The following LTO1 variants were observed in gnomAD, a reference collection of about 807,000 sequenced individuals.
LTO1 encodes LTO1 maturation factor of ABCE1, also known as protein LTO1 homolog.
Under a neutral mutation model 19.8 loss-of-function variants are expected in LTO1, and 18 were observed. The observed-to-expected ratio is 0.91, with a 90% CI of 0.63 to 1.35. The LOEUF (loss-of-function observed/expected upper bound fraction) is 1.35, where lower values mean the gene tolerates loss of function less well. Ranked by LOEUF, LTO1 falls within the 40% of genes most tolerant of loss-of-function variation. The pLI, the probability that LTO1 is intolerant of heterozygous loss-of-function variation, is 0.00. For missense variants in LTO1, 175 were observed against 167.9 expected, an observed-to-expected ratio of 1.04 and a Z score of -0.23; for synonymous variants, 59 against 59.6, an observed-to-expected ratio of 0.99 and a Z score of 0.05.
intron 3 of LTO1, among the ~76,000 whole-genome samples, chr11:69,670,306 C>T (rs534966768): frequency 1.7e-4 from 26 of 152,352 alleles, no homozygotes; most frequent in Admixed American, 9.8e-4. Context: ...CTCCAGGAGC[C>T]GGCAGATTCT....
Position 69,668,017 on chromosome 11 carries a change from A to G in LTO1, c.228-5T>C. The G allele has an allele frequency of 1.5e-6, 2 of 1,339,304 alleles. No homozygotes were observed. The highest frequency in any genetic ancestry group is 2.2e-6 in the Non-Finnish European group (2 of 928,962). 83.0% of individuals were successfully genotyped at this position (1,339,304 alleles called of 1,614,324 possible). A position where few individuals can be genotyped will look rare whatever the true frequency, so the allele number is the denominator to read the frequency against. ...TCTAAGACCTTCATCTTTCTGCTGT[A>G]AAGCACAGAAATACAGACTCTCAGT... On this transcript the variant is annotated splice_region_variant and splice_polypyrimidine_tract_variant and intron_variant, in intron 3 of 4. Transcript: ENST00000279147.
At chr11:69,673,155 C>T (rs374521554) in intron 2 of LTO1, 61 bp downstream of exon 2, 5 of 969,096 alleles carry the variant, frequency 5.2e-6, no homozygotes, top group East Asian at 2.4e-5. Flanking sequence ...CACTGAATAT[C>T]GAAATAAATT....
chr11:69,668,005 T>A lies in LTO1; in HGVS notation c.235A>T (p.Met79Leu), dbSNP rs769346968. The change falls in exon 4 of 5, where the codon ATG becomes TTG. Residue 79 changes from methionine to leucine, a missense_variant. By Grantham distance (15) the Met-to-Leu change is conservative. Transcript: ENST00000279147. ...CCAATCAATGATTCTAAGACCTTCATCTTTCTGCTGTAAAGCACAGAAATA... is the reference window on the plus strand; with the variant it reads ...CCAATCAATGATTCTAAGACCTTCAACTTTCTGCTGTAAAGCACAGAAATA... Reference protein sequence around the residue: ...SCTTEKDSRKMKVLESLIGMI... With the variant: ...SCTTEKDSRKLKVLESLIGMI... The A allele has an allele frequency of 1.3e-6, 2 of 1,491,148 alleles. No homozygotes were observed. Among genetic ancestry groups the A allele is most frequent in the Non-Finnish European group, 1.9e-6 (2 of 1,067,736 alleles). 92.4% of individuals were successfully genotyped at this position (1,491,148 alleles called of 1,614,324 possible). A position where few individuals can be genotyped will look rare whatever the true frequency, so the allele number is the denominator to read the frequency against.
intron 1 of LTO1, chr11:69,674,938 T>G: frequency 1.5e-6 from 1 of 687,514 alleles, no homozygotes. Flanking sequence ...TGAGCAGATG[T>G]TTGGGGCAGC....
intron 4 of LTO1, 77 bp downstream of exon 4, chr11:69,667,818 C>G (rs754831898): frequency 5.9e-6 from 5 of 850,892 alleles, no homozygotes; most frequent in Non-Finnish European, 1.0e-5. Context: ...GCCGCAGCGG[C>G]CCCGGGAGTG....
rs1590922394 is a variant in LTO1, at chr11:69,667,540, T to G, written c.393A>C (p.Glu131Asp). 6.2e-7 allele frequency: 1 copy of G among 1,610,784 alleles called. No individual in the cohort carries two copies. The highest frequency in any genetic ancestry group is 1.7e-4 in the Middle Eastern group (1 of 6,046). Residue 131 changes from glutamate (E) to aspartate (D), a missense_variant, in exon 5 of 5, where the codon GAA becomes GAC. Coordinates refer to ENST00000279147, the MANE Select transcript of LTO1 (RefSeq NM_153451.3). ...NVQPDFKISA[E>D]GSGLSF ...CTCCTCAAAATGAAAGTCCGGAACC[T>G]TCTGCACTAATTTTAAAGTCTGGCT...
chr11:69,670,110 C>G (rs1002690369), intron 3 of LTO1, among the ~76,000 whole-genome samples: 2 of 152,104 alleles, frequency 1.3e-5, no homozygotes, highest in African/African-American at 4.8e-5. Context: ...CTGGGTACTA[C>G]TGGATGGGAT....
intron 3 of LTO1, chr11:69,671,479 G>T (rs1856108111): frequency 2.6e-6 from 1 of 383,596 alleles, no homozygotes; most frequent in East Asian, 4.4e-5. Context: ...AAGCCACATG[G>T]TGCACTAATG....
intron 3 of LTO1, among the ~76,000 whole-genome samples, chr11:69,669,923 G>A (rs1360634983): frequency 6.6e-6 from 1 of 152,134 alleles, no homozygotes; most frequent in East Asian, 1.9e-4. Context: ...TGACAATGCG[G>A]TGGCAGGTGT....
At chr11:69,675,132 C>T in intron 1 of LTO1, 58 bp downstream of exon 1, 9 of 1,524,200 alleles carry the variant, frequency 5.9e-6, no homozygotes, top group Non-Finnish European at 8.1e-6. Flanking sequence ...CAGCCGGCGG[C>T]GAAGCCGCTG....
rs1484151321 is a variant in LTO1 at position 69,666,580 on chromosome 11, G to C, written c.*939C>G. The C allele has an allele frequency of 6.6e-6, 1 of 152,268 alleles. No homozygotes were observed. Among genetic ancestry groups the C allele is most frequent in the African/African-American group, 2.4e-5 (1 of 41,446 alleles). 9.4% of individuals were successfully genotyped at this position (152,268 alleles called of 1,614,324 possible). On this transcript the variant is annotated 3_prime_UTR_variant, in exon 5 of 5. Coordinates refer to ENST00000279147, the MANE Select transcript of LTO1 (RefSeq NM_153451.3). ...AAGAGCTCCTAGGAGAGGGGAGAAT[G>C]CAGGAGGCTATACGCATGGTTCTCA...
chr11:69,668,670 GTT>G, intron 3 of LTO1, among the ~76,000 whole-genome samples: 1 of 98,888 alleles, frequency 1.0e-5, no homozygotes, highest in African/African-American at 3.1e-5. Context: ...ATTAATTTCT[GTT>G]TTGTTTTTTT....
Position 69,667,206 on chromosome 11 carries a change from T to C in LTO1, c.*313A>G. 2.6e-6 allele frequency: 1 copy of C among 388,714 alleles called. No individual in the cohort carries two copies. The highest frequency in any genetic ancestry group is 4.9e-5 in the South Asian group (1 of 20,426). The allele number at this position is 388,714 out of a possible 1,614,324, so 24.1% of individuals were successfully genotyped here. A position where few individuals can be genotyped will look rare whatever the true frequency, so the allele number is the denominator to read the frequency against. On this transcript the variant is annotated 3_prime_UTR_variant, in exon 5 of 5. Coordinates refer to ENST00000279147, the MANE Select transcript of LTO1 (RefSeq NM_153451.3). ...TCAGTCCAGGCCTGGTGACTGACCC[T>C]ATCCAGAGCCAACTCCAACCCAGAA... is the stretch of plus-strand genomic sequence containing the variant.
chr11:69,667,765 G>A (rs147671689), intron 4 of LTO1, 130 bp downstream of exon 4: 36 of 715,508 alleles, frequency 5.0e-5, no homozygotes, highest in Non-Finnish European at 7.1e-5. Context: ...AGGATGAGGC[G>A]CCTCTACGGA....
At chr11:69,673,362 A>G in intron 1 of LTO1, 41 bp from the exon 2 acceptor site, 2 of 1,327,264 alleles carry the variant, frequency 1.5e-6, no homozygotes, top group Non-Finnish European at 2.2e-6. Flanking sequence ...AACAGGAGAA[A>G]GAATACTTTC....
chr11:69,670,347 A>G (rs1429075342), intron 3 of LTO1, among the ~76,000 whole-genome samples: 4 of 152,210 alleles, frequency 2.6e-5, no homozygotes. Flanking sequence ...ACAGGCGGAG[A>G]ACTCCAAGAA....
At position 69,667,177 on chromosome 11, in the gene LTO1, G is replaced by T; in HGVS notation, c.*342C>A. ...AATAATAATAATAATAAAAATAACT[G>T]CCTTCAGTCCAGGCCTGGTGACTGA... On this transcript the variant is annotated 3_prime_UTR_variant, in exon 5 of 5. Transcript: ENST00000279147. 7.4e-6 allele frequency: 2 copies of T among 268,830 alleles called. No individual in the cohort carries two copies. Among genetic ancestry groups the T allele is most frequent in the East Asian group, 7.0e-5 (1 of 14,292 alleles). The allele number at this position is 268,830 out of a possible 1,614,324, so 16.7% of individuals were successfully genotyped here.
rs559129532 is a variant in LTO1 at position 69,674,896 on chromosome 11, G to C, written c.50+294C>G. 6.0e-4 allele frequency: 400 copies of C among 663,232 alleles called. 3 individuals are homozygous for C. The highest frequency in any genetic ancestry group is 5.8e-3 in the African/African-American group (329 of 56,492). 41.1% of individuals were successfully genotyped at this position (663,232 alleles called of 1,614,324 possible). Reference sequence around the variant, plus strand: ...GCAAAGGTCTGTCCTCCCAGAGGACGAGGCGGCCTCGGAGGAGGGGAACCA... The same window carrying C: ...GCAAAGGTCTGTCCTCCCAGAGGACCAGGCGGCCTCGGAGGAGGGGAACCA... On this transcript the variant is annotated intron_variant, in intron 1 of 4. Transcript: ENST00000279147.
At chr11:69,674,841 G>C (rs778746215) in intron 1 of LTO1, 4 of 552,586 alleles carry the variant, frequency 7.2e-6, no homozygotes, top group South Asian at 3.1e-5. Context: ...CTATGATTAA[G>C]GAACCAGAAA....
Sources: allele counts gnomAD v4.1 joint callset (sites outside exome capture counted in the v4.1 genomes callset), GRCh38; gene constraint gnomAD v4.1.1; transcripts MANE v1.5; gene names NCBI Gene and HGNC (gene_info 2026-07-23, HGNC 2026-07-21).